The following RERE variants were observed in gnomAD, a reference collection of about 807,000 sequenced individuals.
RERE encodes arginine-glutamic acid dipeptide repeats, also known as arginine-glutamic acid dipeptide repeats protein.
RERE carries 40 observed loss-of-function variants against 146.1 expected under a neutral mutation model. The ratio of observed to expected loss-of-function variants is 0.27; its 90% CI spans 0.21 to 0.36. The LOEUF (loss-of-function observed/expected upper bound fraction) is 0.36. RERE is among the 10% of genes least tolerant of loss of function. The probability of loss-of-function intolerance (pLI) is 1.00; values close to 1 mark genes in which losing one functional copy is unlikely to be tolerated. For missense variants in RERE, 1,933 were observed against 2,138.7 expected (o/e 0.90, Z 1.90); for synonymous variants, 1,003 against 866.0 (o/e 1.16, Z -2.78).
chr1:8,565,974 T>C (rs1646147812), intron 4 of RERE, among the ~76,000 whole-genome samples: 1 of 152,216 alleles, frequency 6.6e-6, no homozygotes, highest in Non-Finnish European at 1.5e-5. Flanking sequence ...ATATACTTTA[T>C]AATTACACCA....
At chr1:8,415,709 T>G (rs565029687) in intron 12 of RERE, among the ~76,000 whole-genome samples, 2 of 152,346 alleles carry the variant, frequency 1.3e-5, no homozygotes, top group South Asian at 2.1e-4. Flanking sequence ...TCTCATAGAT[T>G]ACCCTCACGA....
Position 8,779,821 on chromosome 1 carries a change from T to C in RERE, c.-145+37339A>G, listed in dbSNP as rs954969221. 3.5e-4 allele frequency among the ~76,000 whole-genome samples: 53 copies of C among 152,304 alleles called. 1 individual carries two copies. The highest frequency in any genetic ancestry group is 1.2e-3 in the African/African-American group (51 of 41,574). ...AGCAGTAAAAAACAGAAAACACTTA[T>C]GATACATTATGCATTCATTACAATG... On this transcript the variant is annotated intron_variant, in intron 1 of 22. Transcript: ENST00000400908.
rs758065217 is a variant in RERE, at chr1:8,360,853, A to C, written c.2654T>G (p.Leu885Arg). The C allele has an allele frequency of 6.5e-7, 1 of 1,536,618 alleles. No individual in the cohort carries two copies. Among genetic ancestry groups the C allele is most frequent in the Non-Finnish European group, 8.7e-7 (1 of 1,147,282 alleles). The change falls in exon 18 of 23, where the codon CTG (leucine) becomes CGG (arginine). Residue 885 changes from leucine to arginine, a missense_variant. Physicochemically the swap from Leu to Arg is moderately radical, Grantham distance 102. This residue lies in a region of RERE where 1,255 missense variants were observed against 1,153.8 expected (regional missense o/e 1.09). Transcript: ENST00000400908. Reference sequence around the variant, plus strand: ...GTACGCTGCTGCTGGGGAGGTCCCCAGAGGGGCCTGGCCTTGGGAGGCCTG... The same window carrying C: ...GTACGCTGCTGCTGGGGAGGTCCCCCGAGGGGCCTGGCCTTGGGAGGCCTG... ...PPQASQGQAP[L>R]GTSPAAAYPH...
At chr1:8,474,919 C>G (rs1644733726) in intron 10 of RERE, among the ~76,000 whole-genome samples, 1 of 152,066 alleles carries the variant, frequency 6.6e-6, no homozygotes, top group Non-Finnish European at 1.5e-5. Context: ...TTTTGCTATG[C>G]AAAATATCTG....
In RERE at chr1:8,368,367, G is replaced by A. The variant is rs550457941; in HGVS notation, c.1285-2393C>T. 3.3e-4 allele frequency among the ~76,000 whole-genome samples: 50 copies of A among 152,116 alleles called. 1 individual carries two copies. The South Asian group carries it at 6.4e-3, about 20-fold the overall frequency. ...CAGATGCCTGTATTTCCAGCTACTC[G>A]GGAGTCTGAGACAGGAGAATGGCGT... On this transcript the variant is annotated intron_variant, in intron 12 of 22. Transcript: ENST00000400908.
In RERE at chr1:8,355,546, C is replaced by A; in HGVS notation, c.4540G>T (p.Ala1514Ser). The A allele has an allele frequency of 6.2e-7, 1 of 1,603,528 alleles. No individual in the cohort carries two copies. Among genetic ancestry groups the A allele is most frequent in the Non-Finnish European group, 8.5e-7 (1 of 1,173,628 alleles). Residue 1514 changes from alanine to serine, a missense_variant, in exon 22 of 23, where the codon GCC becomes TCC. Physicochemically the swap from Ala to Ser is moderately conservative, Grantham distance 99. Around this residue, in one of 11 missense-constraint regions of RERE, gnomAD observed 133 missense variants for 168.6 expected, o/e 0.79. Transcript: ENST00000400908. ...GCATGCATGGCCTGCAGCTGGTGGGCTGCTGACATGGGGGGTGGGATGGCC... is the reference window on the plus strand; with the variant it reads ...GCATGCATGGCCTGCAGCTGGTGGGATGCTGACATGGGGGGTGGGATGGCC... ...PGAIPPPMSA[A>S]HQLQAMHAQS...
chr1:8,458,524 T>C (rs1458950964), intron 11 of RERE, among the ~76,000 whole-genome samples: 1 of 152,214 alleles, frequency 6.6e-6, no homozygotes, highest in African/African-American at 2.4e-5. Context: ...TGGGGTTACT[T>C]TCCAGGTCTC....
At chr1:8,597,509 T>C (rs60506063) in intron 4 of RERE, among the ~76,000 whole-genome samples, 7,929 of 152,198 alleles carry the variant, frequency 0.052, 683 homozygotes, top group African/African-American at 0.18. Flanking sequence ...GGAAAAAATA[T>C]ATGGGATTGG....
At chr1:8,774,601 G>A (rs560702008) in intron 1 of RERE, among the ~76,000 whole-genome samples, 5 of 151,804 alleles carry the variant, frequency 3.3e-5, no homozygotes, top group Non-Finnish European at 5.9e-5. Flanking sequence ...TGATCGACCC[G>A]CCTCGGCCTC....
chr1:8,790,119 T>C (rs1481175802), intron 1 of RERE, among the ~76,000 whole-genome samples: 1 of 152,152 alleles, frequency 6.6e-6, no homozygotes, highest in African/African-American at 2.4e-5. Context: ...TGACAGATCC[T>C]GGATGGAAAG....
intron 1 of RERE, among the ~76,000 whole-genome samples, chr1:8,715,879 G>A (rs1216506406): frequency 7.1e-6 from 1 of 141,304 alleles, no homozygotes; most frequent in East Asian, 2.5e-4. Context: ...TTCCAGCCTG[G>A]ATGACAGAGC....
At chr1:8,457,433 T>C (rs1644465307) in intron 11 of RERE, among the ~76,000 whole-genome samples, 1 of 151,976 alleles carries the variant, frequency 6.6e-6, no homozygotes, top group African/African-American at 2.4e-5. Context: ...AAAAACAAAA[T>C]CAAATCTAAG....
chr1:8,435,027 A>G (rs1211306155), intron 11 of RERE, among the ~76,000 whole-genome samples: 2 of 152,264 alleles, frequency 1.3e-5, no homozygotes, highest in Non-Finnish European at 2.9e-5. Context: ...CATTGGGCTA[A>G]TTTTTATTAT....
intron 1 of RERE, among the ~76,000 whole-genome samples, chr1:8,779,870 A>G (rs1641134479): frequency 6.6e-6 from 1 of 152,202 alleles, no homozygotes; most frequent in African/African-American, 2.4e-5. Context: ...ATGATTACAT[A>G]AAAGTGCTTA....
intron 11 of RERE, among the ~76,000 whole-genome samples, chr1:8,449,425 A>G (rs1644364982): frequency 6.6e-6 from 1 of 152,196 alleles, no homozygotes; most frequent in Admixed American, 6.5e-5. Context: ...GTATTCACCC[A>G]CAGCTGACAT....
chr1:8,522,932 T>A (rs1352023194), intron 7 of RERE, among the ~76,000 whole-genome samples: 1 of 151,388 alleles, frequency 6.6e-6, no homozygotes, highest in African/African-American at 2.4e-5. Context: ...TCCTGGCACT[T>A]TGGGAGGCCA....
At chr1:8,762,179 A>G (rs944806864) in intron 1 of RERE, among the ~76,000 whole-genome samples, 16 of 152,158 alleles carry the variant, frequency 1.1e-4, no homozygotes, top group Admixed American at 9.2e-4. Flanking sequence ...TCCTCCTCTG[A>G]ACTTCAGCAG....
At chr1:8,663,478 A>C (rs1432720328) in intron 1 of RERE, among the ~76,000 whole-genome samples, 1 of 152,114 alleles carries the variant, frequency 6.6e-6, no homozygotes, top group African/African-American at 2.4e-5. Context: ...GCTCCAACTG[A>C]ATCTTAGCTT....
chr1:8,405,401 A>G (rs1036860997), intron 12 of RERE, among the ~76,000 whole-genome samples: 17 of 152,252 alleles, frequency 1.1e-4, no homozygotes, highest in Non-Finnish European at 1.9e-4. Flanking sequence ...GGTTAATAAC[A>G]TGATATCTTT....
Sources: allele counts gnomAD v4.1 joint callset (sites outside exome capture counted in the v4.1 genomes callset), GRCh38; gene constraint gnomAD v4.1.1; regional missense constraint gnomAD v4.1.1; transcripts MANE v1.5; gene names NCBI Gene and HGNC (gene_info 2026-07-23, HGNC 2026-07-21).